UBE2V2: variants seen among roughly 807,000 people sequenced by gnomAD.
UBE2V2 encodes ubiquitin-conjugating enzyme E2 variant 2.
Under a neutral mutation model 17.2 loss-of-function variants are expected in UBE2V2, and 9 were observed. The ratio of observed to expected loss-of-function variants is 0.52; its 90% confidence interval spans 0.32 to 0.91. UBE2V2 has a LOEUF of 0.91. Among genes scored for constraint, UBE2V2 ranks in the 40% least tolerant of loss-of-function variants. The pLI, the probability that UBE2V2 is intolerant of heterozygous loss-of-function variation, is 0.04. For missense variants in UBE2V2, 133 were observed against 182.6 expected, an observed-to-expected ratio of 0.73 and a Z score of 1.56; for synonymous variants, 61 against 57.5, an observed-to-expected ratio of 1.06 and a Z score of -0.28.
chr8:48,025,545 T>G (rs1158361000), intron 1 of UBE2V2, among the ~76,000 whole-genome samples: 1 of 152,022 alleles, frequency 6.6e-6, no homozygotes, highest in African/African-American at 2.4e-5. Context: ...CCCAAAGTGT[T>G]GGGATTATAG....
At chr8:48,008,430 C>A (rs768520778), upstream of UBE2V2, 11 of 1,561,980 alleles carry the variant, frequency 7.0e-6, no homozygotes, top group Non-Finnish European at 9.5e-6. Context: ...TGCGTGCGGG[C>A]GGCTGCGTCG....
chr8:48,018,131 C>G (rs1241173539), intron 1 of UBE2V2, among the ~76,000 whole-genome samples: 1 of 152,174 alleles, frequency 6.6e-6, no homozygotes, highest in Non-Finnish European at 1.5e-5. Context: ...GCCACCATGC[C>G]CAGCTGCACA....
chr8:48,008,525 C>G (rs1413280505), intron 1 of UBE2V2, 55 bp downstream of exon 1: 43 of 1,534,080 alleles, frequency 2.8e-5, no homozygotes, highest in Non-Finnish European at 3.2e-5. Context: ...CTCTGCCCCT[C>G]CGTCTGCTGC....
intron 2 of UBE2V2, chr8:48,043,766 GA>G (rs1238300720): frequency 1.3e-5 from 2 of 152,218 alleles, no homozygotes; most frequent in African/African-American, 4.8e-5. Context: ...ACATGCCATA[GA>G]AATGCTGTAG....
chr8:48,051,473 CCTTT>C (rs2154507985), intron 3 of UBE2V2, among the ~76,000 whole-genome samples: 1 of 152,194 alleles, frequency 6.6e-6, no homozygotes, highest in East Asian at 1.9e-4. Flanking sequence ...AATTCATCCT[CCTTT>C]CTTCTCTCCT....
chr8:48,000,035 G>T, the UBE2V2 span, among the ~76,000 whole-genome samples: 9 of 152,236 alleles, frequency 5.9e-5, no homozygotes. Context: ...TAGGTCAGGG[G>T]TTGATCTTTA....
chr8:48,016,244 A>G (rs896536030), intron 1 of UBE2V2, among the ~76,000 whole-genome samples: 1 of 152,078 alleles, frequency 6.6e-6, no homozygotes, highest in Non-Finnish European at 1.5e-5. Context: ...TATATCTTGC[A>G]TATTTTGAGT....
intron 3 of UBE2V2, among the ~76,000 whole-genome samples, chr8:48,053,724 C>T (rs1311426030): frequency 6.6e-6 from 1 of 151,764 alleles, no homozygotes; most frequent in African/African-American, 2.4e-5. Context: ...CCCTGCCCAG[C>T]TAGATTTTTT....
intron 1 of UBE2V2, among the ~76,000 whole-genome samples, chr8:48,034,128 C>CATTTTTTTTT (rs2091403714): frequency 7.3e-6 from 1 of 136,310 alleles, no homozygotes; most frequent in African/African-American, 3.0e-5. Context: ...TTTTCTTTTC[C>CATTTTTTTTT]TTTTTTTTTT....
intron 2 of UBE2V2, among the ~76,000 whole-genome samples, chr8:48,046,020 C>T (rs1274729117): frequency 6.6e-6 from 1 of 152,170 alleles, no homozygotes; most frequent in Non-Finnish European, 1.5e-5. Context: ...AATCTCAGAT[C>T]ACCGCAACCT....
rs1802623654 is a variant in UBE2V2, at chr8:48,063,449, A to G, written c.*2621A>G. On this transcript the variant is annotated 3_prime_UTR_variant, in exon 4 of 4. Transcript: ENST00000523111. Reference sequence around the variant, plus strand: ...GTGTGTGGTATTTATTACCTTTTAAATGAACTGTAAATTTGCCTTAGAAAT... The same window carrying G: ...GTGTGTGGTATTTATTACCTTTTAAGTGAACTGTAAATTTGCCTTAGAAAT... 1 of 152,250 alleles carries G rather than the reference A, an allele frequency of 6.6e-6. No homozygotes were observed. Among genetic ancestry groups the G allele is most frequent in the South Asian group, 2.1e-4 (1 of 4,832 alleles). The allele number at this position is 152,250 out of a possible 1,614,324, so 9.4% of individuals were successfully genotyped here.
chr8:48,007,847 A>C (rs1208225924), upstream of UBE2V2, among the ~76,000 whole-genome samples: 1 of 151,350 alleles, frequency 6.6e-6, no homozygotes, highest in Non-Finnish European at 1.5e-5. Context: ...CTCCCACCTC[A>C]GCATCCCTAG....
the UBE2V2 span, among the ~76,000 whole-genome samples, chr8:47,997,775 A>C: frequency 6.6e-6 from 1 of 151,460 alleles, no homozygotes. Flanking sequence ...GACGGGGAGG[A>C]CTCAGAGTAG....
rs1460664864 is a variant in UBE2V2, at chr8:48,013,485, A to G, written c.16+5015A>G. The stretch of plus-strand genomic sequence containing the variant: ...ACCATGCCCGGTTAATTTTTTTTGT[A>G]TTTTTAGTAGAAGTGGGGTTTCACC... On this transcript the variant is annotated intron_variant, in intron 1 of 3. Coordinates refer to ENST00000523111, the MANE Select transcript of UBE2V2 (RefSeq NM_003350.3). 2.0e-5 allele frequency among the ~76,000 whole-genome samples: 3 copies of G among 151,464 alleles called. No individual in the cohort carries two copies. The East Asian group carries it at 5.9e-4, about 30-fold the overall frequency.
At chr8:48,042,321 A>G (rs927071514) in intron 1 of UBE2V2, 5 of 152,230 alleles carry the variant, frequency 3.3e-5, no homozygotes, top group African/African-American at 7.2e-5. Flanking sequence ...ATTAAACTCC[A>G]TATTACCAAT....
At chr8:48,020,502 AATT>A (rs1358474197) in intron 1 of UBE2V2, among the ~76,000 whole-genome samples, 1 of 152,134 alleles carries the variant, frequency 6.6e-6, no homozygotes, top group Non-Finnish European at 1.5e-5. Flanking sequence ...CATTTAGAGT[AATT>A]ATTGATAGAT....
At position 48,049,871 on chromosome 8, in the gene UBE2V2, A is replaced by G. The variant is rs1258519436; in HGVS notation, c.184A>G (p.Ile62Val). Reference sequence around the variant, plus strand: ...CTTCCAGACAAATTATGAAAACAGAATATATAGCCTGAAAGTAGAATGTGG... The same window carrying G: ...CTTCCAGACAAATTATGAAAACAGAGTATATAGCCTGAAAGTAGAATGTGG... ...GPPRTNYENRIYSLKVECGPK... is the reference protein window; with the variant it reads ...GPPRTNYENRVYSLKVECGPK... Residue 62 changes from isoleucine (I) to valine (V), a missense_variant, in exon 3 of 4, where the codon ATA becomes GTA. Coordinates refer to ENST00000523111, the MANE Select transcript of UBE2V2 (RefSeq NM_003350.3). 2.5e-6 allele frequency: 4 copies of G among 1,592,134 alleles called. No individual in the cohort carries two copies. Among genetic ancestry groups the G allele is most frequent in the Non-Finnish European group, 3.4e-6 (4 of 1,173,110 alleles).
upstream of UBE2V2, among the ~76,000 whole-genome samples, chr8:48,008,101 T>C (rs1199325263): frequency 6.6e-6 from 1 of 152,142 alleles, no homozygotes; most frequent in East Asian, 1.9e-4. Context: ...TTTGTATTTT[T>C]AGTAGAGACG....
rs143336056 is a variant in UBE2V2, at chr8:48,027,531, G to A, written c.17-15502G>A. Reference sequence around the variant, plus strand: ...ATTTAATTTTTTGAGACAGGTTCTTGTTCTGTTGTCCAGGCTGGAATGTAG... The same window carrying A: ...ATTTAATTTTTTGAGACAGGTTCTTATTCTGTTGTCCAGGCTGGAATGTAG... On this transcript the variant is annotated intron_variant, in intron 1 of 3. Transcript: ENST00000523111. Among the ~76,000 whole-genome samples, 1,201 of 152,212 alleles carry A rather than the reference G, an allele frequency of 7.9e-3. 6 individuals carry two copies. Among genetic ancestry groups the A allele is most frequent in the Non-Finnish European group, 0.014 (935 of 68,006 alleles).
Sources: gnomAD v4.1 joint callset for allele counts (sites outside exome capture counted in the v4.1 genomes callset) on GRCh38, gnomAD v4.1.1 for gene constraint, MANE v1.5 for transcripts, NCBI Gene and HGNC (gene_info 2026-07-23, HGNC 2026-07-21) for gene names.